The following TAOK1 variants were observed in gnomAD, a reference collection of about 807,000 sequenced individuals.
TAOK1 encodes serine/threonine-protein kinase TAO1.
Under a neutral mutation model 138.3 loss-of-function variants are expected in TAOK1, and 21 were observed. That is an observed-to-expected ratio of 0.15 (90% CI 0.11 to 0.22). The LOEUF is 0.22. Among genes scored for constraint, TAOK1 ranks in the 10% least tolerant of loss-of-function variants. The probability of loss-of-function intolerance (pLI) is 1.00; values close to 1 mark genes in which losing one functional copy is unlikely to be tolerated. For missense variants in TAOK1, 651 were observed against 1,227.7 expected (o/e 0.53, Z 7.02); for synonymous variants, 361 against 398.4 (o/e 0.91, Z 1.12).
Position 29,507,933 on chromosome 17 carries a change from A to T in TAOK1, c.1376A>T (p.Glu459Val). The change falls in exon 14 of 20, where the codon GAG (glutamate) becomes GTG (valine). Residue 459 changes from glutamate (E) to valine (V), a missense_variant. Coordinates refer to ENST00000261716, the MANE Select transcript of TAOK1 (RefSeq NM_020791.4). Reference sequence around the variant, plus strand: ...ATGCAAGAACATGAGCAGGACTCTGAGCTTAGAGAACAAATGTCTGGCTAT... The same window carrying T: ...ATGCAAGAACATGAGCAGGACTCTGTGCTTAGAGAACAAATGTCTGGCTAT... ...RQMQEHEQDS[E>V]LREQMSGYKR... 6.2e-7 allele frequency: 1 copy of T among 1,614,108 alleles called. No homozygotes were observed. The highest frequency in any genetic ancestry group is 2.2e-5 in the East Asian group (1 of 44,880).
At position 29,478,294 on chromosome 17, in the gene TAOK1, A is replaced by G. The variant is rs2030988981; in HGVS notation, c.396A>G (p.Thr132=). Residue 132 remains threonine, a synonymous_variant, in exon 6 of 20, where the codon ACA becomes ACG. Transcript: ENST00000261716. Reference sequence around the variant, plus strand: ...AAGAAGTGGAAATAGCAGCAATTACACATGGTGCTCTTCAGGGATTAGCCT... The same window carrying G: ...AAGAAGTGGAAATAGCAGCAATTACGCATGGTGCTCTTCAGGGATTAGCCT... ...PLQEVEIAAI[T]HGALQGLAYL... The G allele has an allele frequency of 6.2e-7, 1 of 1,603,592 alleles. No individual in the cohort carries two copies. The highest frequency in any genetic ancestry group is 8.5e-7 in the Non-Finnish European group (1 of 1,176,140).
intron 1 of TAOK1, among the ~76,000 whole-genome samples, chr17:29,410,070 C>T (rs978023455): frequency 6.6e-6 from 1 of 152,074 alleles, no homozygotes; most frequent in Non-Finnish European, 1.5e-5. Context: ...TATGTATTCA[C>T]GGATATGTAT....
chr17:29,522,992 T>A (rs887247874), intron 17 of TAOK1, among the ~76,000 whole-genome samples: 30 of 151,152 alleles, frequency 2.0e-4, no homozygotes, highest in African/African-American at 7.1e-4. Context: ...GGAGAATCCC[T>A]TGAACCCAGG....
chr17:29,536,526 G>C (rs1370456383), intron 19 of TAOK1, among the ~76,000 whole-genome samples: 1 of 149,350 alleles, frequency 6.7e-6, no homozygotes, highest in Non-Finnish European at 1.5e-5. Context: ...CGTGAACCTG[G>C]GAGGCGGAGG....
At chr17:29,474,147 A>AT (rs1450691649) in intron 3 of TAOK1, among the ~76,000 whole-genome samples, 3 of 152,134 alleles carry the variant, frequency 2.0e-5, no homozygotes, top group Non-Finnish European at 4.4e-5. Context: ...CAGCCTTTGT[A>AT]GAGTTAAAGA....
chr17:29,499,871 A>G (rs1598509211), intron 12 of TAOK1, among the ~76,000 whole-genome samples: 1 of 152,278 alleles, frequency 6.6e-6, no homozygotes, highest in East Asian at 1.9e-4. Flanking sequence ...TATATCTTAA[A>G]AATAAAGCTG....
intron 1 of TAOK1, among the ~76,000 whole-genome samples, chr17:29,395,824 A>ATTTTTTTTTTTTTTTTTTTTTT (rs1187461666): frequency 1.4e-5 from 1 of 72,106 alleles, no homozygotes; most frequent in African/African-American, 6.4e-5. Context: ...CGTCTGGCTA[A>ATTTTTTTTTTTTTTTTTTTTTT]TTTTTTTTTT....
chr17:29,496,248 G>T (rs979539809), intron 11 of TAOK1, among the ~76,000 whole-genome samples: 2 of 151,842 alleles, frequency 1.3e-5, no homozygotes, highest in South Asian at 2.1e-4. Flanking sequence ...TTATAGGCGC[G>T]CACCACCACA....
At position 29,507,878 on chromosome 17, in the gene TAOK1, C is replaced by T; in HGVS notation, c.1339-18C>T. The T allele has an allele frequency of 6.3e-7, 1 of 1,598,700 alleles. No homozygotes were observed. ...ATGTTTTATTTTCTTCTTTTCCTTA[C>T]ATTATTTGTATGTCTAGGTTACGAG... On this transcript the variant is annotated intron_variant, in intron 13 of 19. Coordinates refer to ENST00000261716, the MANE Select transcript of TAOK1 (RefSeq NM_020791.4).
At chr17:29,408,533 C>T (rs1045297519) in intron 1 of TAOK1, among the ~76,000 whole-genome samples, 28 of 151,796 alleles carry the variant, frequency 1.8e-4, no homozygotes, top group Admixed American at 1.2e-3. Flanking sequence ...TTTTTTCAAT[C>T]AATTTTACCA....
chr17:29,523,917 G>C (rs1309787426), intron 17 of TAOK1, among the ~76,000 whole-genome samples: 1 of 152,104 alleles, frequency 6.6e-6, no homozygotes, highest in Non-Finnish European at 1.5e-5. Flanking sequence ...TAACTATGCT[G>C]GAGTACAATG....
intron 1 of TAOK1, among the ~76,000 whole-genome samples, chr17:29,417,269 C>T (rs926223776): frequency 2.0e-5 from 3 of 152,210 alleles, no homozygotes; most frequent in African/African-American, 7.2e-5. Context: ...CCTGCCTCAG[C>T]CTCCCTAAGT....
chr17:29,397,879 G>A (rs1343837662), intron 1 of TAOK1, among the ~76,000 whole-genome samples: 1 of 151,596 alleles, frequency 6.6e-6, no homozygotes, highest in Non-Finnish European at 1.5e-5. Context: ...GTGTAAATGT[G>A]TAACTTTTTC....
In TAOK1 at chr17:29,451,687, GT is replaced by G; in HGVS notation, c.132+9del. Reference sequence around the variant, plus strand: ...CTTTGGAGCAGTGTATTTTGTAAGTGTTAGTGGCTTGATGTCAGTGACTAAA... The same window carrying G: ...CTTTGGAGCAGTGTATTTTGTAAGTGTAGTGGCTTGATGTCAGTGACTAAA... On this transcript the variant is annotated splice_region_variant and intron_variant, in intron 2 of 19. Coordinates refer to ENST00000261716, the MANE Select transcript of TAOK1 (RefSeq NM_020791.4). The G allele has an allele frequency of 6.2e-7, 1 of 1,609,480 alleles. No individual in the cohort carries two copies. Among genetic ancestry groups the G allele is most frequent in the Admixed American group, 1.7e-5 (1 of 58,600 alleles).
At chr17:29,473,621 G>A (rs1016385666) in intron 3 of TAOK1, among the ~76,000 whole-genome samples, 6 of 151,114 alleles carry the variant, frequency 4.0e-5, no homozygotes, top group African/African-American at 1.5e-4. Flanking sequence ...AATCTGTTGC[G>A]TAATGTAGCC....
intron 3 of TAOK1, among the ~76,000 whole-genome samples, chr17:29,471,518 C>T (rs1321611460): frequency 6.6e-6 from 1 of 151,730 alleles, no homozygotes; most frequent in Non-Finnish European, 1.5e-5. Context: ...ACCTCGTGAT[C>T]CCCCCACCTC....
chr17:29,534,928 GGTGTGTGTGTGTGT>G (rs71138832), intron 19 of TAOK1, among the ~76,000 whole-genome samples: 1,610 of 147,320 alleles, frequency 0.011, 34 homozygotes, highest in African/African-American at 0.038. Context: ...AGGATACTAA[GGTGTGTGTGTGTGT>G]GTGTGTGTGT....
chr17:29,427,310 C>G (rs927000331), intron 1 of TAOK1, among the ~76,000 whole-genome samples: 2 of 152,076 alleles, frequency 1.3e-5, no homozygotes, highest in South Asian at 2.1e-4. Flanking sequence ...CTTTAGAGAT[C>G]TTGGCTAGGT....
rs531359856 is a variant in TAOK1 at position 29,428,572 on chromosome 17, C to T, written c.-94-22883C>T. Among the ~76,000 whole-genome samples the T allele has an allele frequency of 2.0e-5, 3 of 152,252 alleles. No homozygotes were observed. The East Asian group carries it at 5.8e-4, about 29-fold the overall frequency. On this transcript the variant is annotated intron_variant, in intron 1 of 19. Coordinates refer to ENST00000261716, the MANE Select transcript of TAOK1 (RefSeq NM_020791.4). ...TATATGATAGTGAGCAAATTACTTA[C>T]ATTCTTTGAACTTCAAGTATAATTT...
Sources: allele counts gnomAD v4.1 joint callset (sites outside exome capture counted in the v4.1 genomes callset), GRCh38; gene constraint gnomAD v4.1.1; transcripts MANE v1.5; gene names NCBI Gene and HGNC (gene_info 2026-07-23, HGNC 2026-07-21).